GPR101: variants seen among roughly 807,000 people sequenced by gnomAD.
The protein encoded by GPR101 is probable G protein-coupled receptor 101.
In GPR101, 8 loss-of-function variants were observed where a neutral mutation model predicts 16.4. The observed-to-expected ratio is 0.49, with a 90% CI of 0.29 to 0.88. The LOEUF (loss-of-function observed/expected upper bound fraction) is 0.88, where lower values mean the gene tolerates loss of function less well. Ranked by LOEUF, GPR101 falls within the 40% of genes least tolerant of loss-of-function variation. GPR101 has a pLI of 0.09. For missense variants in GPR101, 375 were observed against 411.7 expected (o/e 0.91, Z 0.77); for synonymous variants, 155 against 168.7 (o/e 0.92, Z 0.63).
chrX:137,029,117 A>G lies in GPR101; in HGVS notation c.*1031T>C, dbSNP rs924966911. ...TGGACACAAAATATATTTCTGATGA[A>G]CAAATTATTCCTCAGTGACATCATG... On this transcript the variant is annotated 3_prime_UTR_variant, in exon 2 of 2. Coordinates refer to ENST00000651716, the MANE Select transcript of GPR101 (RefSeq NM_054021.2). Among the ~76,000 whole-genome samples the G allele has an allele frequency of 1.3e-4, 15 of 112,441 alleles. No homozygotes were observed. Among genetic ancestry groups the G allele is most frequent in the African/African-American group, 4.5e-4 (14 of 30,842 alleles).
chrX:137,031,039 G>A lies in GPR101; in HGVS notation c.636C>T (p.Tyr212=), dbSNP rs772237606. Reference sequence around the variant, plus strand: ...TCCGGGCTGCACAGAACACCACGGAGTAGCAGGCAATCATGACAATCAGTG... The same window carrying A: ...TCCGGGCTGCACAGAACACCACGGAATAGCAGGCAATCATGACAATCAGTG... ...VIPLIVMIAC[Y]SVVFCAARRQ... is the part of the protein sequence containing the mutation. Residue 212 remains tyrosine (Y), a synonymous_variant, in exon 2 of 2, where the codon TAC becomes TAT. Transcript: ENST00000651716. 1.3e-5 allele frequency: 16 copies of A among 1,212,285 alleles called. No homozygotes were observed. In the Admixed American group the frequency reaches 3.3e-4, roughly 25 times the overall value.
At position 137,030,783 on chromosome X, in the gene GPR101, C is replaced by A. The variant is rs140785131; in HGVS notation, c.892G>T (p.Val298Leu). 1.7e-6 allele frequency: 2 copies of A among 1,211,634 alleles called. No individual in the cohort carries two copies. The highest frequency in any genetic ancestry group is 4.3e-5 in the Admixed American group (2 of 46,063). Reference protein sequence around the residue: ...EGSTGTSESSVEARGSEEVRE... With the variant: ...EGSTGTSESSLEARGSEEVRE... The stretch of plus-strand genomic sequence containing the variant: ...ACCTCCTCGCTGCCCCTGGCCTCTA[C>A]ACTACTCTCACTGGTCCCCGTGCTT... The change falls in exon 2 of 2, where the codon GTA becomes TTA. Residue 298 changes from valine to leucine, a missense_variant. Val to Leu is a conservative substitution (Grantham distance 32, BLOSUM62 1). Transcript: ENST00000651716.
intron 1 of GPR101, among the ~76,000 whole-genome samples, 34 bp downstream of exon 1, chrX:137,033,768 G>A (rs192929476): frequency 0.27 from 29,754 of 111,107 alleles, 2,959 homozygotes; most frequent in South Asian, 0.43. Context: ...GGTGCTGGGG[G>A]CCACGGAGCC....
At position 137,031,540 on chromosome X, in the gene GPR101, A is replaced by G. The variant is rs150806941; in HGVS notation, c.135T>C (p.Ser45=). Residue 45 remains serine, a synonymous_variant, in exon 2 of 2, where the codon TCT becomes TCC. Coordinates refer to ENST00000651716, the MANE Select transcript of GPR101 (RefSeq NM_054021.2). ...STVLVIFLAA[S]FVGNIVLALV... is the part of the protein sequence containing the mutation. ...GCGCCAGCACTATGTTGCCGACGAAAGAGGCGGCGAGGAAGATAACCAGCA... is the reference window on the plus strand; with the variant it reads ...GCGCCAGCACTATGTTGCCGACGAAGGAGGCGGCGAGGAAGATAACCAGCA... 33 of 1,210,087 alleles carry G rather than the reference A, an allele frequency of 2.7e-5. No individual in the cohort carries two copies. In the African/African-American group the frequency reaches 5.4e-4, roughly 20 times the overall value.
Position 137,030,071 on chromosome X carries a change from A to G in GPR101, c.*77T>C. The stretch of plus-strand genomic sequence containing the variant: ...AAATGGTATGGTTTGGCATTAATGA[A>G]TTGTGGGTCCATTGAAAAGAAATCT... On this transcript the variant is annotated 3_prime_UTR_variant, in exon 2 of 2. Transcript: ENST00000651716. 2.2e-6 allele frequency: 2 copies of G among 919,325 alleles called. No individual in the cohort carries two copies. The highest frequency in any genetic ancestry group is 5.0e-5 in the South Asian group (2 of 40,169). 75.8% of individuals were successfully genotyped at this position (919,325 alleles called of 1,213,427 possible). A position where few individuals can be genotyped will look rare whatever the true frequency, so the allele number is the denominator to read the frequency against.
In GPR101 at chrX:137,028,944, A is replaced by G. The variant is rs929605962; in HGVS notation, c.*1204T>C. Among the ~76,000 whole-genome samples, 1 of 112,273 alleles carries G rather than the reference A, an allele frequency of 8.9e-6. No individual in the cohort carries two copies. The highest frequency in any genetic ancestry group is 3.2e-5 in the African/African-American group (1 of 30,905). On this transcript the variant is annotated 3_prime_UTR_variant, in exon 2 of 2. Coordinates refer to ENST00000651716, the MANE Select transcript of GPR101 (RefSeq NM_054021.2). Reference sequence around the variant, plus strand: ...TCTTTGTCATTTCTGACTCTCTGATATTTCTCTTTCACATCTGCAGAGAGC... The same window carrying G: ...TCTTTGTCATTTCTGACTCTCTGATGTTTCTCTTTCACATCTGCAGAGAGC...
chrX:137,033,881 T>C lies in GPR101; in HGVS notation c.-172A>G, dbSNP rs1271563659. ...TCCTCGCGCTCGTCCCGGCCGCCTC[T>C]CGGGGCTCGGGCGGCTGCGAGCTGG... On this transcript the variant is annotated 5_prime_UTR_variant, in exon 1 of 2. Transcript: ENST00000651716. Among the ~76,000 whole-genome samples, 2 of 111,819 alleles carry C rather than the reference T, an allele frequency of 1.8e-5. No homozygotes were observed. The highest frequency in any genetic ancestry group is 3.8e-5 in the Non-Finnish European group (2 of 52,810).
In GPR101 at chrX:137,030,232, TTC is replaced by T; in HGVS notation, c.1441_1442del (p.Glu481ArgfsTer2). On this transcript the variant is annotated frameshift_variant, in exon 2 of 2. Coordinates refer to ENST00000651716, the MANE Select transcript of GPR101 (RefSeq NM_054021.2). LOFTEE classifies it high-confidence loss of function. Reference sequence around the variant, plus strand: ...TTCCGGGCAGGTCTGGGTGGCTATCTTCTTTCGGGGGCTTTTCCTTGCAGAAG... The same window carrying T: ...TTCCGGGCAGGTCTGGGTGGCTATCTTTTCGGGGGCTTTTCCTTGCAGAAG... ...KFFCKEKPPK[E>X]DSHPDLPGTE... is the part of the protein sequence containing the mutation. The T allele has an allele frequency of 8.3e-7, 1 of 1,211,047 alleles. No homozygotes were observed. The highest frequency in any genetic ancestry group is 1.1e-6 in the Non-Finnish European group (1 of 895,120).
chrX:137,030,669 T>G lies in GPR101; in HGVS notation c.1006A>C (p.Lys336Gln), dbSNP rs1466982094. The G allele has an allele frequency of 2.5e-6, 3 of 1,209,417 alleles. No individual in the cohort carries two copies. The highest frequency in any genetic ancestry group is 3.4e-6 in the Non-Finnish European group (3 of 895,081). ...CACTGGTTGACCTCTGTGCGACCCT[T>G]GTCTGCCTTCATGCTGTTCTCCTCA... is the stretch of plus-strand genomic sequence containing the variant. ...KVEENSMKADKGRTEVNQCSI... is the reference protein window; with the variant it reads ...KVEENSMKADQGRTEVNQCSI... Residue 336 changes from lysine (K) to glutamine (Q), a missense_variant, in exon 2 of 2, where the codon AAG (lysine) becomes CAG (glutamine). Lys to Gln is a moderately conservative substitution (Grantham distance 53). Coordinates refer to ENST00000651716, the MANE Select transcript of GPR101 (RefSeq NM_054021.2).
In GPR101 at chrX:137,030,090, G is replaced by A; in HGVS notation, c.*58C>T. On this transcript the variant is annotated 3_prime_UTR_variant, in exon 2 of 2. Coordinates refer to ENST00000651716, the MANE Select transcript of GPR101 (RefSeq NM_054021.2). ...TAATGAATTGTGGGTCCATTGAAAA[G>A]AAATCTCCTCTTGTTTCTCGTGTTA... is the stretch of plus-strand genomic sequence containing the variant. 9.5e-7 allele frequency: 1 copy of A among 1,054,256 alleles called. No individual in the cohort carries two copies. Among genetic ancestry groups the A allele is most frequent in the Non-Finnish European group, 1.3e-6 (1 of 784,490 alleles). The allele number at this position is 1,054,256 out of a possible 1,213,427, so 86.9% of individuals were successfully genotyped here.
In GPR101 at chrX:137,028,917, C is replaced by A. The variant is rs1927206906; in HGVS notation, c.*1231G>T. 8.9e-6 allele frequency among the ~76,000 whole-genome samples: 1 copy of A among 112,320 alleles called. No individual in the cohort carries two copies. The highest frequency in any genetic ancestry group is 1.9e-5 in the Non-Finnish European group (1 of 53,262). On this transcript the variant is annotated 3_prime_UTR_variant, in exon 2 of 2. Coordinates refer to ENST00000651716, the MANE Select transcript of GPR101 (RefSeq NM_054021.2). ...TGTTTTCTAGGTATTGTGAAATCAT[C>A]CTCTTTGTCATTTCTGACTCTCTGA...
rs749588022 is a variant in GPR101 at position 137,031,012 on chromosome X, C to T, written c.663G>A (p.Arg221=). ...CYSVVFCAAR[R]QHALLYNVKR... ...TGACATTGTACAGCAGAGCATGCTG[C>T]CTCCGGGCTGCACAGAACACCACGG... The change falls in exon 2 of 2, where the codon AGG becomes AGA. Residue 221 remains arginine, a synonymous_variant. Transcript: ENST00000651716. 9.1e-6 allele frequency: 11 copies of T among 1,212,172 alleles called. 1 individual carries two copies. The South Asian group carries it at 1.8e-4, about 19-fold the overall frequency.
chrX:137,026,397 AT>A lies in GPR101; in HGVS notation c.*3750del, dbSNP rs1261513629. Reference sequence around the variant, plus strand: ...GAGTCCAAATTACCAGATGATGCGTATTTTTTTTCTTCCAAATGATGTGTTT... The same window carrying A: ...GAGTCCAAATTACCAGATGATGCGTATTTTTTTCTTCCAAATGATGTGTTT... On this transcript the variant is annotated 3_prime_UTR_variant, in exon 2 of 2. Transcript: ENST00000651716. 4.5e-5 allele frequency among the ~76,000 whole-genome samples: 5 copies of A among 111,461 alleles called. No individual in the cohort carries two copies. Among genetic ancestry groups the A allele is most frequent in the South Asian group, 7.5e-4 (2 of 2,671 alleles).
rs1316264564 is a variant in GPR101, at chrX:137,024,859, G to A, written c.*5289C>T. ...CCTGTCAGTTCACGGTCAGGTGTTG[G>A]TTGGGTCTTCAGGGTGCAGTATTCT... On this transcript the variant is annotated 3_prime_UTR_variant, in exon 2 of 2. Transcript: ENST00000651716. Among the ~76,000 whole-genome samples the A allele has an allele frequency of 2.7e-5, 3 of 112,200 alleles. No homozygotes were observed. Among genetic ancestry groups the A allele is most frequent in the Non-Finnish European group, 5.6e-5 (3 of 53,247 alleles).
Sources: gnomAD v4.1 joint callset for allele counts (sites outside exome capture counted in the v4.1 genomes callset) on GRCh38, gnomAD v4.1.1 for gene constraint, MANE v1.5 for transcripts, NCBI Gene and HGNC (gene_info 2026-07-23, HGNC 2026-07-21) for gene names.